Variants in PCDHGA8 observed in about 807,000 individuals in gnomAD.
The protein encoded by PCDHGA8 is protocadherin gamma-A8.
A neutral mutation model predicts 59.2 loss-of-function variants in PCDHGA8; 45 were observed. That is an observed-to-expected ratio of 0.76 (90% CI 0.60 to 0.98). PCDHGA8 has a LOEUF of 0.98. Ranked by LOEUF, PCDHGA8 falls within the 50% of genes least tolerant of loss-of-function variation. The probability of loss-of-function intolerance (pLI) is 0.00; values close to 1 mark genes in which losing one functional copy is unlikely to be tolerated. For synonymous variants in PCDHGA8, 531 were observed against 519.0 expected (o/e 1.02, Z -0.32); for missense variants, 1,257 against 1,196.2 (o/e 1.05, Z -0.75).
chr5:141,483,009 C>T (rs538900128), intron 1 of PCDHGA8, among the ~76,000 whole-genome samples: 4 of 151,942 alleles, frequency 2.6e-5, no homozygotes, highest in Non-Finnish European at 5.9e-5. Flanking sequence ...TGCTTGAACC[C>T]GGGAGGCAGA....
chr5:141,393,574 A>T lies in PCDHGA8; in HGVS notation c.761A>T (p.Asn254Ile), dbSNP rs2092798550. 2 of 1,613,798 alleles carry T rather than the reference A, an allele frequency of 1.2e-6. No individual in the cohort carries two copies. Among genetic ancestry groups the T allele is most frequent in the Non-Finnish European group, 1.7e-6 (2 of 1,179,908 alleles). Reference protein sequence around the residue: ...HPIYRVKVLENMPPGTRLLTV... With the variant: ...HPIYRVKVLEIMPPGTRLLTV... Reference sequence around the variant, plus strand: ...ATTTACCGAGTGAAAGTCCTTGAGAACATGCCCCCAGGCACGCGGCTGCTT... The same window carrying T: ...ATTTACCGAGTGAAAGTCCTTGAGATCATGCCCCCAGGCACGCGGCTGCTT... Residue 254 changes from asparagine to isoleucine, a missense_variant, in exon 1 of 4, where the codon AAC (asparagine) becomes ATC (isoleucine). Physicochemically the swap from Asn to Ile is moderately radical, Grantham distance 149. Coordinates refer to ENST00000398604, the MANE Select transcript of PCDHGA8 (RefSeq NM_032088.2).
At position 141,409,480 on chromosome 5, in the gene PCDHGA8, CAG is replaced by C. The variant is rs761811893; in HGVS notation, c.2424+14244_2424+14245del. 9 of 1,614,002 alleles carry C rather than the reference CAG, an allele frequency of 5.6e-6. No homozygotes were observed. In the Admixed American group the frequency reaches 8.3e-5, roughly 15 times the overall value. On this transcript the variant is annotated intron_variant, in intron 1 of 3. Transcript: ENST00000398604. ...ACAATGTCACCATCGTAGCCACTGA[CAG>C]GGGCAAGCCGCCTCTTTCTTCCAGT...
At chr5:141,449,958 A>AT (rs962794399) in intron 1 of PCDHGA8, among the ~76,000 whole-genome samples, 8 of 148,830 alleles carry the variant, frequency 5.4e-5, no homozygotes, top group African/African-American at 2.0e-4. Context: ...CCTCATAGTA[A>AT]TTTTTTTTAG....
intron 1 of PCDHGA8, chr5:141,414,754 G>A: frequency 6.2e-7 from 1 of 1,614,190 alleles, no homozygotes; most frequent in Non-Finnish European, 8.5e-7. Flanking sequence ...CTTCGACTAT[G>A]AGCAGTTTCA....
At chr5:141,498,921 AG>A (rs1289139995) in intron 2 of PCDHGA8, among the ~76,000 whole-genome samples, 1 of 140,074 alleles carries the variant, frequency 7.1e-6, no homozygotes, top group Non-Finnish European at 1.6e-5. Flanking sequence ...TGACAGAGCG[AG>A]ACTCCATCAG....
chr5:141,467,296 A>G lies in PCDHGA8; in HGVS notation c.2425-27511A>G, dbSNP rs1032802325. Among the ~76,000 whole-genome samples the G allele has an allele frequency of 6.6e-5, 10 of 151,858 alleles. No individual in the cohort carries two copies. The East Asian group carries it at 9.7e-4, about 15-fold the overall frequency. On this transcript the variant is annotated intron_variant, in intron 1 of 3. Transcript: ENST00000398604. The stretch of plus-strand genomic sequence containing the variant: ...TCGAACTCTTGACCTCAAGTGATCC[A>G]CTCACCTCGGCCTCCCACAGTGCTG...
rs551414580 is a variant in PCDHGA8, at chr5:141,493,693, C to T, written c.2425-1114C>T. ...GCCCCAGAATGGTGCTGGTGACTCC[C>T]GATACACCTGGAATGCTAGGTTTCT... On this transcript the variant is annotated intron_variant, in intron 1 of 3. Coordinates refer to ENST00000398604, the MANE Select transcript of PCDHGA8 (RefSeq NM_032088.2). This position sits in a 1 kb window ranked among gnomAD's most constrained non-coding sequence, Gnocchi z 4.3. 5.3e-5 allele frequency among the ~76,000 whole-genome samples: 8 copies of T among 152,168 alleles called. No individual in the cohort carries two copies. Among genetic ancestry groups the T allele is most frequent in the Non-Finnish European group, 1.0e-4 (7 of 68,032 alleles).
At chr5:141,403,901 A>G in intron 1 of PCDHGA8, 3 of 1,613,926 alleles carry the variant, frequency 1.9e-6, no homozygotes, top group Non-Finnish European at 2.5e-6. Context: ...ATTTTATGAA[A>G]TGGAAATACA....
chr5:141,507,113 C>G (rs1401559943), intron 3 of PCDHGA8: 1 of 152,220 alleles, frequency 6.6e-6, no homozygotes, highest in Non-Finnish European at 1.5e-5. Context: ...GGGACCATGG[C>G]TGCCTTTGGA....
At chr5:141,510,158 A>G (rs1406170246) in intron 3 of PCDHGA8, among the ~76,000 whole-genome samples, 1 of 152,018 alleles carries the variant, frequency 6.6e-6, no homozygotes, top group African/African-American at 2.4e-5. Flanking sequence ...CTGTAATCTC[A>G]GCTACTCAGG....
In PCDHGA8 at chr5:141,431,615, G is replaced by C. The variant is rs1231591874; in HGVS notation, c.2424+36378G>C. The C allele has an allele frequency of 1.2e-6, 2 of 1,614,118 alleles. No individual in the cohort carries two copies. Among genetic ancestry groups the C allele is most frequent in the Non-Finnish European group, 8.5e-7 (1 of 1,180,050 alleles). ...GAGGTATTCCTTCCGGTATGTGGACGACAAGGCGGCCCAAGTTTTCAAACT... is the reference window on the plus strand; with the variant it reads ...GAGGTATTCCTTCCGGTATGTGGACCACAAGGCGGCCCAAGTTTTCAAACT... On this transcript the variant is annotated intron_variant, in intron 1 of 3. Coordinates refer to ENST00000398604, the MANE Select transcript of PCDHGA8 (RefSeq NM_032088.2). This position sits in a 1 kb window ranked among gnomAD's most constrained non-coding sequence, Gnocchi z 4.8.
intron 1 of PCDHGA8, among the ~76,000 whole-genome samples, chr5:141,444,312 C>G (rs2098431691): frequency 6.6e-6 from 1 of 151,856 alleles, no homozygotes; most frequent in Non-Finnish European, 1.5e-5. Flanking sequence ...GCTAGGATTA[C>G]AGGCATGTGC....
At chr5:141,407,851 C>T (rs2094989102) in intron 1 of PCDHGA8, among the ~76,000 whole-genome samples, 1 of 152,194 alleles carries the variant, frequency 6.6e-6, no homozygotes, top group Non-Finnish European at 1.5e-5. Flanking sequence ...GGGGGATGTA[C>T]ACCTGCATTT....
Position 141,487,399 on chromosome 5 carries a change from G to T in PCDHGA8, c.2425-7408G>T, listed in dbSNP as rs749826036. 6.2e-7 allele frequency: 1 copy of T among 1,614,140 alleles called. No individual in the cohort carries two copies. The highest frequency in any genetic ancestry group is 8.5e-7 in the Non-Finnish European group (1 of 1,180,014). ...TCACCAGATCTCGAAGGAGGGAGGG[G>T]CTTCCCCCTTCCAATGGGATCCTCC... On this transcript the variant is annotated intron_variant, in intron 1 of 3. Transcript: ENST00000398604. The surrounding 1 kb of genome is among the most constrained non-coding windows in gnomAD (Gnocchi z 5.0).
intron 1 of PCDHGA8, chr5:141,420,414 T>C: frequency 8.2e-7 from 1 of 1,221,674 alleles, no homozygotes; most frequent in Non-Finnish European, 1.1e-6. Flanking sequence ...GTTATCATTA[T>C]TAAAACAAAA....
intron 1 of PCDHGA8, among the ~76,000 whole-genome samples, chr5:141,453,779 C>T (rs138335951): frequency 0.013 from 2,000 of 152,278 alleles, 24 homozygotes; most frequent in Non-Finnish European, 0.021. Flanking sequence ...ATTTTAGTTA[C>T]CATGGTATAT....
intron 2 of PCDHGA8, among the ~76,000 whole-genome samples, chr5:141,503,611 A>AG (rs992110793): frequency 6.6e-6 from 1 of 151,948 alleles, no homozygotes; most frequent in Non-Finnish European, 1.5e-5. Flanking sequence ...AAAAAAAAAA[A>AG]AAAGAAAAAA....
rs765609733 is a variant in PCDHGA8 at position 141,394,729 on chromosome 5, A to T, written c.1916A>T (p.Lys639Met). ...GCCCTGCTGGACAGAGATGCGCTCA[A>T]GCAGAGCCTCGTGGTGGCCGTCCAG... The part of the protein sequence containing the change: ...ARALLDRDAL[K>M]QSLVVAVQDH... Residue 639 changes from lysine to methionine, a missense_variant, in exon 1 of 4, where the codon AAG becomes ATG. By Grantham distance (95) the Lys-to-Met change is moderately conservative (BLOSUM62 -1). Transcript: ENST00000398604. The T allele has an allele frequency of 2.7e-5, 44 of 1,613,302 alleles. No homozygotes were observed. The highest frequency in any genetic ancestry group is 4.0e-5 in the African/African-American group (3 of 74,928).
chr5:141,422,447 C>G, intron 1 of PCDHGA8: 2 of 1,610,922 alleles, frequency 1.2e-6, no homozygotes, highest in Non-Finnish European at 1.7e-6. Flanking sequence ...AAATTGATAA[C>G]AAGCAGAGTG....
Sources: gnomAD v4.1 joint callset for allele counts (sites outside exome capture counted in the v4.1 genomes callset) on GRCh38, gnomAD v4.1.1 for gene constraint, Gnocchi (gnomAD v3.1) non-coding constraint, MANE v1.5 for transcripts, NCBI Gene and HGNC (gene_info 2026-07-23, HGNC 2026-07-21) for gene names.